The following TBC1D19 variants were observed in gnomAD, a reference collection of about 807,000 sequenced individuals.
TBC1D19 encodes the protein TBC1 domain family, member 19.
TBC1D19 carries 60 observed loss-of-function variants against 89.0 expected under a neutral mutation model. The observed-to-expected ratio is 0.67, with a 90% confidence interval of 0.55 to 0.84. TBC1D19 has a LOEUF of 0.84. Among genes scored for constraint, TBC1D19 ranks in the 40% least tolerant of loss-of-function variants. The pLI, the probability that TBC1D19 is intolerant of heterozygous loss-of-function variation, is 0.00. For synonymous variants in TBC1D19, 189 were observed against 199.7 expected (o/e 0.95, Z 0.45); for missense variants, 500 against 610.8 (o/e 0.82, Z 1.91).
chr4:26,694,411 G>C (rs911525938), intron 13 of TBC1D19, among the ~76,000 whole-genome samples: 11 of 152,212 alleles, frequency 7.2e-5, no homozygotes, highest in Non-Finnish European at 1.6e-4. Context: ...GCTCGAACTG[G>C]GTGGAGCGCA....
At chr4:26,841,385 C>CAAAA in the TBC1D19 span, among the ~76,000 whole-genome samples, 1 of 110,300 alleles carries the variant, frequency 9.1e-6, no homozygotes. Flanking sequence ...GACTCTGTCT[C>CAAAA]AAAAAAAAAA....
chr4:26,681,291 C>A (rs1038237457), intron 11 of TBC1D19, among the ~76,000 whole-genome samples: 3 of 151,920 alleles, frequency 2.0e-5, no homozygotes, highest in East Asian at 1.9e-4. Flanking sequence ...GTAATCCCAG[C>A]ACTTTGGGAG....
the TBC1D19 span, among the ~76,000 whole-genome samples, chr4:26,801,120 C>A: frequency 6.6e-6 from 1 of 152,138 alleles, no homozygotes; most frequent in Non-Finnish European, 1.5e-5. Flanking sequence ...AGGTTTTCTT[C>A]TAGGGTTTTT....
At chr4:26,716,943 G>A (rs948967274) in intron 13 of TBC1D19, among the ~76,000 whole-genome samples, 1 of 152,038 alleles carries the variant, frequency 6.6e-6, no homozygotes, top group Non-Finnish European at 1.5e-5. Flanking sequence ...ACCATGCCCA[G>A]CCAATACTCT....
the TBC1D19 span, among the ~76,000 whole-genome samples, chr4:26,818,174 G>C: frequency 1.3e-5 from 2 of 151,748 alleles, no homozygotes; most frequent in Admixed American, 1.3e-4. Flanking sequence ...CTGCTTTGGA[G>C]AACACATCTT....
intron 3 of TBC1D19, among the ~76,000 whole-genome samples, chr4:26,617,926 A>G (rs975166520): frequency 1.3e-5 from 2 of 152,236 alleles, no homozygotes; most frequent in Non-Finnish European, 2.9e-5. Context: ...AGTGTCAAAC[A>G]GTAGTGGGTC....
chr4:26,708,022 G>A (rs1240162412), intron 13 of TBC1D19, among the ~76,000 whole-genome samples: 1 of 151,996 alleles, frequency 6.6e-6, no homozygotes, highest in Non-Finnish European at 1.5e-5. Flanking sequence ...AGCAAAAAAT[G>A]GAGTTACAAA....
the TBC1D19 span, among the ~76,000 whole-genome samples, chr4:26,800,312 A>G: frequency 5.9e-5 from 9 of 152,282 alleles, no homozygotes; most frequent in East Asian, 1.2e-3. Context: ...AGTTTCATCC[A>G]TATCCCTACA....
At chr4:26,817,507 C>A in the TBC1D19 span, among the ~76,000 whole-genome samples, 1 of 152,074 alleles carries the variant, frequency 6.6e-6, no homozygotes, top group African/African-American at 2.4e-5. Context: ...TTTTTTCCTG[C>A]ATCTGTGAAG....
chr4:26,617,425 G>A (rs1290001831), intron 3 of TBC1D19, among the ~76,000 whole-genome samples: 2 of 152,174 alleles, frequency 1.3e-5, no homozygotes, highest in African/African-American at 4.8e-5. Context: ...TTAACCTCCA[G>A]CTATATAATT....
chr4:26,631,914 A>C (rs192137446), intron 4 of TBC1D19, among the ~76,000 whole-genome samples: 9 of 152,020 alleles, frequency 5.9e-5, no homozygotes, highest in African/African-American at 2.2e-4. Flanking sequence ...TGTTTTCTCT[A>C]TATATTACAT....
chr4:26,790,145 G>A, the TBC1D19 span, among the ~76,000 whole-genome samples: 1 of 152,136 alleles, frequency 6.6e-6, no homozygotes, highest in Non-Finnish European at 1.5e-5. Context: ...ATATATCCAT[G>A]TAACAAAACT....
intron 1 of TBC1D19, among the ~76,000 whole-genome samples, chr4:26,604,118 T>C (rs1462300021): frequency 2.0e-5 from 3 of 151,964 alleles, no homozygotes; most frequent in African/African-American, 7.3e-5. Flanking sequence ...CGTTCATCCA[T>C]GTTGTAACAT....
intron 13 of TBC1D19, among the ~76,000 whole-genome samples, chr4:26,702,718 C>T (rs887644740): frequency 4.6e-5 from 7 of 152,154 alleles, no homozygotes; most frequent in Non-Finnish European, 1.0e-4. Flanking sequence ...AGTAAGAACA[C>T]TTATCACAAG....
chr4:26,609,510 G>C (rs967028963), intron 1 of TBC1D19, among the ~76,000 whole-genome samples: 1 of 152,134 alleles, frequency 6.6e-6, no homozygotes. Context: ...ACTTCCATCT[G>C]AGGAAATATG....
chr4:26,782,985 T>C, the TBC1D19 span, among the ~76,000 whole-genome samples: 22 of 152,366 alleles, frequency 1.4e-4, no homozygotes, highest in African/African-American at 5.3e-4. Flanking sequence ...CTTTGAAATA[T>C]TGTTCCTAAA....
chr4:26,686,665 ACCAGTTTTCATGC>A (rs1713838332), intron 12 of TBC1D19, among the ~76,000 whole-genome samples: 1 of 152,178 alleles, frequency 6.6e-6, no homozygotes, highest in Admixed American at 6.5e-5. Context: ...ACCTCCAGGA[ACCAGTTTTCATGC>A]CCACAGAGGC....
intron 13 of TBC1D19, among the ~76,000 whole-genome samples, chr4:26,713,803 GAT>G (rs1716364431): frequency 6.6e-6 from 1 of 151,930 alleles, no homozygotes; most frequent in Non-Finnish European, 1.5e-5. Context: ...GAACACAAGG[GAT>G]ATAAATATAC....
chr4:26,581,513 A>G (rs1213464554), upstream of TBC1D19, among the ~76,000 whole-genome samples: 1 of 152,050 alleles, frequency 6.6e-6, no homozygotes, highest in African/African-American at 2.4e-5. Flanking sequence ...GCTTAGAATG[A>G]TGGTTTCCAG....
Sources: gnomAD v4.1 joint callset for allele counts (sites outside exome capture counted in the v4.1 genomes callset) on GRCh38, gnomAD v4.1.1 for gene constraint, MANE v1.5 for transcripts, NCBI Gene and HGNC (gene_info 2026-07-23, HGNC 2026-07-21) for gene names.